DSC3: variants seen among roughly 807,000 people sequenced by gnomAD.
DSC3 encodes the protein desmocollin 3, also known as desmocollin-3.
A neutral mutation model predicts 89.5 loss-of-function variants in DSC3; 97 were observed. The observed-to-expected ratio is 1.08, with a 90% CI of 0.92 to 1.28. The LOEUF is 1.28. Among genes scored for constraint, DSC3 ranks in the 50% most tolerant of loss-of-function variants. DSC3 has a pLI of 0.00. For missense variants in DSC3, 1,199 were observed against 1,085.3 expected, an observed-to-expected ratio of 1.10 and a Z score of -1.47; for synonymous variants, 436 against 384.1, an observed-to-expected ratio of 1.14 and a Z score of -1.58.
chr18:31,021,513 A>G (rs1413802997), intron 7 of DSC3, among the ~76,000 whole-genome samples: 1 of 152,186 alleles, frequency 6.6e-6, no homozygotes, highest in African/African-American at 2.4e-5. Context: ...TTGGCATCAA[A>G]TCCCATTGAT....
intron 4 of DSC3, among the ~76,000 whole-genome samples, chr18:31,027,981 A>G (rs1985655983): frequency 1.3e-5 from 2 of 152,136 alleles, no homozygotes; most frequent in South Asian, 4.1e-4. Context: ...TTTTTAAGAG[A>G]AATAACAAGC....
At chr18:31,020,307 C>T (rs1431590866) in intron 7 of DSC3, among the ~76,000 whole-genome samples, 2 of 152,122 alleles carry the variant, frequency 1.3e-5, no homozygotes, top group East Asian at 3.9e-4. Flanking sequence ...GTATTTGTAG[C>T]ATGGAGGGAA....
At chr18:31,001,327 T>G (rs1984651883) in intron 14 of DSC3, among the ~76,000 whole-genome samples, 1 of 151,706 alleles carries the variant, frequency 6.6e-6, no homozygotes, top group Non-Finnish European at 1.5e-5. Context: ...GAAATATACA[T>G]TGTAGAGTGC....
At chr18:31,015,332 C>T (rs1383059265) in intron 9 of DSC3, among the ~76,000 whole-genome samples, 1 of 152,078 alleles carries the variant, frequency 6.6e-6, no homozygotes, top group Admixed American at 6.6e-5. Context: ...GCATGTCAGT[C>T]ACATGGAATG....
chr18:31,004,055 C>T, intron 13 of DSC3, 87 bp downstream of exon 13: 1 of 1,043,510 alleles, frequency 9.6e-7, no homozygotes, highest in Non-Finnish European at 1.4e-6. Flanking sequence ...CTGATGGATG[C>T]TTGGACGAGA....
chr18:31,021,327 T>C (rs942278663), intron 7 of DSC3, among the ~76,000 whole-genome samples: 1 of 152,182 alleles, frequency 6.6e-6, no homozygotes, highest in Admixed American at 6.5e-5. Context: ...ACTCCACAGA[T>C]ACAAAAGCAC....
At chr18:30,999,466 C>T (rs1984582860) in intron 14 of DSC3, among the ~76,000 whole-genome samples, 3 of 151,706 alleles carry the variant, frequency 2.0e-5, no homozygotes, top group Admixed American at 2.0e-4. Flanking sequence ...AAAAACCCTC[C>T]TAATTATTAA....
chr18:31,037,028 T>A (rs1985994843), intron 1 of DSC3, among the ~76,000 whole-genome samples: 1 of 152,048 alleles, frequency 6.6e-6, no homozygotes, highest in South Asian at 2.1e-4. Flanking sequence ...CCTGACCTCG[T>A]GATCTGTCTG....
At chr18:31,018,407 G>C (rs768233019) in intron 8 of DSC3, 151 bp from the exon 9 acceptor site, 1 of 754,782 alleles carries the variant, frequency 1.3e-6, no homozygotes, top group African/African-American at 1.8e-5. Context: ...TTCATTAAGG[G>C]TTATCTTTTA....
At chr18:31,019,421 A>C (rs1244630805) in intron 7 of DSC3, among the ~76,000 whole-genome samples, 1 of 152,154 alleles carries the variant, frequency 6.6e-6, no homozygotes, top group African/African-American at 2.4e-5. Context: ...ATATATCCTT[A>C]AGGAAGTTTT....
chr18:31,031,080 T>C lies in DSC3; in HGVS notation c.247A>G (p.Arg83Gly). 6.2e-7 allele frequency: 1 copy of C among 1,614,108 alleles called. No individual in the cohort carries two copies. Residue 83 changes from arginine (R) to glycine (G), a missense_variant, in exon 3 of 16, where the codon AGG (arginine) becomes GGG (glycine). Transcript: ENST00000360428. ...VLNDGSVYTARAVALSDKKRS... is the reference protein window; with the variant it reads ...VLNDGSVYTAGAVALSDKKRS... ...TTCTTATCAGACAGCGCAACAGCCC[T>C]GGCTGTGTACACTGACCCATCATTT...
chr18:31,024,438 A>G lies in DSC3; in HGVS notation c.686T>C (p.Leu229Pro), dbSNP rs1459713727. The G allele has an allele frequency of 6.2e-7, 1 of 1,612,424 alleles. No homozygotes were observed. Among genetic ancestry groups the G allele is most frequent in the African/African-American group, 1.3e-5 (1 of 74,874 alleles). The change falls in exon 6 of 16, where the codon CTA becomes CCA. Residue 229 changes from leucine to proline, a missense_variant. Transcript: ENST00000360428. ...DGYSADLPLP[L>P]PIRVEDENDN... is the part of the protein sequence containing the mutation. ...ATTTTCATCCTCTACCCTGATGGGT[A>G]GTGGGAGGGGCAGATCTGCTGAATA...
In DSC3 at chr18:31,008,365, G is replaced by A. The variant is rs1435532342; in HGVS notation, c.1424C>T (p.Ala475Val). ...GTTTTCTTTAATCCGCACATATTGGGCTGCAGGAGTGCATTCAGGCCCCTC... is the reference window on the plus strand; with the variant it reads ...GTTTTCTTTAATCCGCACATATTGGACTGCAGGAGTGCATTCAGGCCCCTC... ...LDEGPECTPAAQYVRIKENLA... is the reference protein window; with the variant it reads ...LDEGPECTPAVQYVRIKENLA... The change falls in exon 10 of 16, where the codon GCC becomes GTC. Residue 475 changes from alanine (A) to valine (V), a missense_variant. By Grantham distance (64) the Ala-to-Val change is moderately conservative (BLOSUM62 0). Coordinates refer to ENST00000360428, the MANE Select transcript of DSC3 (RefSeq NM_001941.5). 5 of 1,613,998 alleles carry A rather than the reference G, an allele frequency of 3.1e-6. No individual in the cohort carries two copies. The highest frequency in any genetic ancestry group is 4.2e-6 in the Non-Finnish European group (5 of 1,180,008).
chr18:30,990,913 T>A lies in DSC3; in HGVS notation c.*3262A>T, dbSNP rs1984215127. On this transcript the variant is annotated 3_prime_UTR_variant, in exon 16 of 16. Transcript: ENST00000360428. The stretch of plus-strand genomic sequence containing the variant: ...AACATTACAATATATATTAATGATG[T>A]CGACAATTTGATAATGAAACATTGT... The A allele has an allele frequency of 6.6e-6, 1 of 152,178 alleles. No homozygotes were observed. The allele number at this position is 152,178 out of a possible 1,614,324, so 9.4% of individuals were successfully genotyped here.
intron 6 of DSC3, among the ~76,000 whole-genome samples, chr18:31,023,458 T>C (rs759360782): frequency 4.6e-5 from 7 of 152,166 alleles, no homozygotes; most frequent in Non-Finnish European, 8.8e-5. Flanking sequence ...AAAATTTATT[T>C]AAAAAGAAAC....
chr18:31,026,032 A>G, intron 4 of DSC3, 117 bp from the exon 5 acceptor site: 1 of 1,053,894 alleles, frequency 9.5e-7, no homozygotes, highest in Non-Finnish European at 1.4e-6. Flanking sequence ...GAAAAGGTAG[A>G]AAAGAACAAT....
chr18:30,994,357 T>G lies in DSC3; in HGVS notation c.2509A>C (p.Asn837His), dbSNP rs1450216923. 1.9e-6 allele frequency: 3 copies of G among 1,613,862 alleles called. No homozygotes were observed. The East Asian group carries it at 6.7e-5, about 36-fold the overall frequency. ...GATGGCATGCGGTCTTCATTCTGAT[T>G]ACATCGATGCAATTTCTGTAAAATT... ...PRLGEKLHRCNQNEDRMPSQD... is the reference protein window; with the variant it reads ...PRLGEKLHRCHQNEDRMPSQD... Residue 837 changes from asparagine (N) to histidine (H), a missense_variant, in exon 16 of 16, where the codon AAT (asparagine) becomes CAT (histidine). Asn to His is a moderately conservative substitution (Grantham distance 68). Coordinates refer to ENST00000360428, the MANE Select transcript of DSC3 (RefSeq NM_001941.5).
At chr18:31,034,568 T>G (rs1159176255) in intron 1 of DSC3, among the ~76,000 whole-genome samples, 1 of 152,148 alleles carries the variant, frequency 6.6e-6, no homozygotes, top group Non-Finnish European at 1.5e-5. Flanking sequence ...AAACTTGTCA[T>G]GAATATTCAC....
chr18:31,030,942 T>A (rs759544752), intron 3 of DSC3, 31 bp downstream of exon 3: 3 of 1,580,100 alleles, frequency 1.9e-6, no homozygotes, highest in South Asian at 2.2e-5. Context: ...AATGAAAAAA[T>A]GACTGAAAAT....
Sources: gnomAD v4.1 joint callset for allele counts (sites outside exome capture counted in the v4.1 genomes callset) on GRCh38, gnomAD v4.1.1 for gene constraint, MANE v1.5 for transcripts, NCBI Gene and HGNC (gene_info 2026-07-23, HGNC 2026-07-21) for gene names.